SEZ6L2: variants seen among roughly 807,000 people sequenced by gnomAD.
The protein encoded by SEZ6L2 is seizure related 6 homolog like 2.
SEZ6L2 carries 44 observed loss-of-function variants against 97.0 expected under a neutral mutation model. The ratio of observed to expected loss-of-function variants is 0.45; its 90% CI spans 0.36 to 0.58. The LOEUF is 0.58. Among genes scored for constraint, SEZ6L2 ranks in the 20% least tolerant of loss-of-function variants. SEZ6L2 has a pLI of 0.00. For missense variants in SEZ6L2, 1,086 were observed against 1,233.3 expected (o/e 0.88, Z 1.79); for synonymous variants, 543 against 546.1 (o/e 0.99, Z 0.08).
chr16:29,892,376 T>C (rs970973704), intron 5 of SEZ6L2, among the ~76,000 whole-genome samples: 1 of 152,196 alleles, frequency 6.6e-6, no homozygotes, highest in African/African-American at 2.4e-5. Flanking sequence ...TTCAGTGCCC[T>C]GGGGAAGTGG....
intron 9 of SEZ6L2, among the ~76,000 whole-genome samples, chr16:29,879,084 G>T (rs2067975989): frequency 1.3e-5 from 2 of 150,232 alleles, no homozygotes; most frequent in African/African-American, 4.9e-5. Context: ...TGTATTTTTA[G>T]TAGAGACGGG....
At position 29,880,066 on chromosome 16, in the gene SEZ6L2, T is replaced by C. The variant is rs199786246; in HGVS notation, c.1373-2A>G. On this transcript the variant is annotated splice_acceptor_variant, in intron 8 of 17. Transcript: ENST00000617533. LOFTEE classifies it high-confidence loss of function. ...CGAAGCAGCGATCCTCCTCAAAGGC[T>C]GGGAAGGAGTCAGTCATAACAATTA... 2 of 1,613,696 alleles carry C rather than the reference T, an allele frequency of 1.2e-6. No homozygotes were observed. Among genetic ancestry groups the C allele is most frequent in the African/African-American group, 2.7e-5 (2 of 74,950 alleles).
chr16:29,898,279 C>A (rs2068450427), intron 1 of SEZ6L2, among the ~76,000 whole-genome samples: 1 of 152,208 alleles, frequency 6.6e-6, no homozygotes, highest in Admixed American at 6.5e-5. Flanking sequence ...AGAGGGGTCG[C>A]CGGTGCTGCC....
rs371362673 is a variant in SEZ6L2 at position 29,871,626 on chromosome 16, G to T, written c.*73C>A. On this transcript the variant is annotated 3_prime_UTR_variant, in exon 18 of 18. Transcript: ENST00000617533. ...GGAGGGCAGCCAGGAGGCAGAGACC[G>T]GGTCCCGTATTTCCCTCTGCCCGAA... 3,132 of 1,471,016 alleles carry T rather than the reference G, an allele frequency of 2.1e-3. 4 individuals carry two copies. The highest frequency in any genetic ancestry group is 2.8e-3 in the Non-Finnish European group (2,942 of 1,068,050). 91.1% of individuals were successfully genotyped at this position (1,471,016 alleles called of 1,614,324 possible).
At chr16:29,879,843 C>A in intron 9 of SEZ6L2, 21 bp downstream of exon 9, 1 of 1,570,342 alleles carries the variant, frequency 6.4e-7, no homozygotes, top group African/African-American at 1.4e-5. Context: ...GAAGGACATG[C>A]CTGCGACAAG....
intron 3 of SEZ6L2, among the ~76,000 whole-genome samples, chr16:29,896,536 C>T (rs532077916): frequency 6.6e-6 from 1 of 152,324 alleles, no homozygotes; most frequent in Non-Finnish European, 1.5e-5. Context: ...GCCTGGCCTC[C>T]CAAAGTGCTG....
At chr16:29,893,305 C>G (rs942418871) in intron 5 of SEZ6L2, among the ~76,000 whole-genome samples, 6 of 151,806 alleles carry the variant, frequency 4.0e-5, no homozygotes, top group Non-Finnish European at 8.8e-5. Context: ...GCCTGGCCAA[C>G]AAGAGCAAAA....
At chr16:29,881,247 C>T (rs2068023982) in intron 8 of SEZ6L2, among the ~76,000 whole-genome samples, 2 of 152,124 alleles carry the variant, frequency 1.3e-5, no homozygotes, top group Non-Finnish European at 2.9e-5. Context: ...GGTCCATAGA[C>T]CAAAAAGCCA....
At position 29,871,176 on chromosome 16, in the gene SEZ6L2, CT is replaced by C. The variant is rs1185210512; in HGVS notation, c.*522del. The C allele has an allele frequency of 3.0e-5, 5 of 167,662 alleles. No individual in the cohort carries two copies. The highest frequency in any genetic ancestry group is 1.2e-4 in the African/African-American group (5 of 41,764). 10.4% of individuals were successfully genotyped at this position (167,662 alleles called of 1,614,324 possible). ...CGGCCCAATTACAAGTGGCGATTTT[CT>C]GTTTATTGCTCAAAAACAAGAATTC... is the stretch of plus-strand genomic sequence containing the variant. On this transcript the variant is annotated 3_prime_UTR_variant, in exon 18 of 18. Transcript: ENST00000617533.
intron 8 of SEZ6L2, among the ~76,000 whole-genome samples, chr16:29,884,441 A>T (rs2068090069): frequency 6.6e-6 from 1 of 151,742 alleles, no homozygotes; most frequent in African/African-American, 2.4e-5. Context: ...AAAACCCAAA[A>T]ATTAGCTGGG....
At chr16:29,890,924 TTTTTATTATTATTTA>T (rs2068259225) in intron 5 of SEZ6L2, among the ~76,000 whole-genome samples, 2 of 150,978 alleles carry the variant, frequency 1.3e-5, no homozygotes, top group Admixed American at 6.6e-5. Context: ...AATTTTGGTA[TTTTTATTATTATTTA>T]TTTTATTATT....
intron 12 of SEZ6L2, among the ~76,000 whole-genome samples, chr16:29,874,883 C>T (rs115651970): frequency 0.014 from 2,119 of 151,366 alleles, 44 homozygotes; most frequent in African/African-American, 0.048. Flanking sequence ...AAATATAATT[C>T]TTTGTTTTGG....
rs1331478640 is a variant in SEZ6L2 at position 29,880,024 on chromosome 16, A to G, written c.1413T>C (p.His471=). 5.0e-6 allele frequency: 8 copies of G among 1,614,180 alleles called. No individual in the cohort carries two copies. The highest frequency in any genetic ancestry group is 5.9e-6 in the Non-Finnish European group (7 of 1,180,022). ...CAGGGTCCGTGGTAGTGACATTTCC[A>G]TGTGCCAGGAAGGGGGCGAAGCAGC... ...EDRCFAPFLA[H]GNVTTTDPEY... Residue 471 remains histidine, a synonymous_variant, in exon 9 of 18, where the codon CAT becomes CAC. Coordinates refer to ENST00000617533, the MANE Select transcript of SEZ6L2 (RefSeq NM_001243332.2).
chr16:29,890,054 G>A (rs1283006301), intron 5 of SEZ6L2, among the ~76,000 whole-genome samples: 1 of 152,014 alleles, frequency 6.6e-6, no homozygotes, highest in Non-Finnish European at 1.5e-5. Flanking sequence ...GATTACAGGT[G>A]TGTGCGACCA....
intron 17 of SEZ6L2, 48 bp downstream of exon 17, chr16:29,872,139 C>G: frequency 2.8e-6 from 4 of 1,445,542 alleles, no homozygotes; most frequent in Non-Finnish European, 3.8e-6. Context: ...GTTATGGAGT[C>G]CTGGGAGAGC....
intron 12 of SEZ6L2, among the ~76,000 whole-genome samples, chr16:29,875,881 C>T (rs896162504): frequency 6.6e-6 from 1 of 151,794 alleles, no homozygotes; most frequent in African/African-American, 2.4e-5. Flanking sequence ...AGGCTGGTCT[C>T]GAACTCCAGA....
Position 29,873,605 on chromosome 16 carries a change from G to T in SEZ6L2, c.2229C>A (p.Ala743=), listed in dbSNP as rs1334005304. 1.2e-6 allele frequency: 2 copies of T among 1,614,034 alleles called. No individual in the cohort carries two copies. The highest frequency in any genetic ancestry group is 1.7e-6 in the Non-Finnish European group (2 of 1,180,024). Residue 743 remains alanine (A), a synonymous_variant, in exon 13 of 18, where the codon GCC becomes GCA. Transcript: ENST00000617533. The surrounding 1 kb of genome is among the most constrained non-coding windows in gnomAD (Gnocchi z 4.3). ...TGTCCCGGCTGTAGCAGGTGAGCAT[G>T]GCTGCCCCCTCGAGGCTGTACCCTG... ...CLPGYSLEGA[A]MLTCYSRDTG... is the part of the protein sequence containing the mutation.
chr16:29,898,123 C>T, intron 1 of SEZ6L2, 139 bp from the exon 2 acceptor site: 1 of 1,274,860 alleles, frequency 7.8e-7, no homozygotes, highest in African/African-American at 1.5e-5. Flanking sequence ...CGACTGAGGG[C>T]CAAGATCGGA....
At position 29,876,280 on chromosome 16, in the gene SEZ6L2, T is replaced by C. The variant is rs2150782497; in HGVS notation, c.2104+476A>G. 6.6e-6 allele frequency among the ~76,000 whole-genome samples: 1 copy of C among 152,290 alleles called. No homozygotes were observed. The highest frequency in any genetic ancestry group is 1.9e-4 in the East Asian group (1 of 5,176). ...AATGATGGCATTCAAATAAACCAAG[T>C]GCTCTGACAAGCCTTGGTCCTAGCA... On this transcript the variant is annotated intron_variant, in intron 12 of 17. Coordinates refer to ENST00000617533, the MANE Select transcript of SEZ6L2 (RefSeq NM_001243332.2). This position sits in a 1 kb window ranked among gnomAD's most constrained non-coding sequence, Gnocchi z 6.5.
Sources: gnomAD v4.1 joint callset for allele counts (sites outside exome capture counted in the v4.1 genomes callset) on GRCh38, gnomAD v4.1.1 for gene constraint, Gnocchi (gnomAD v3.1) non-coding constraint, MANE v1.5 for transcripts, NCBI Gene and HGNC (gene_info 2026-07-23, HGNC 2026-07-21) for gene names.